The following PRKG1 variants were observed in gnomAD, a reference collection of about 807,000 sequenced individuals.
PRKG1 encodes the protein cGMP-dependent protein kinase 1.
A neutral mutation model predicts 88.1 loss-of-function variants in PRKG1; 35 were observed. That is an observed-to-expected ratio of 0.40 (90% CI 0.30 to 0.53). The LOEUF (loss-of-function observed/expected upper bound fraction) is 0.53. Among genes scored for constraint, PRKG1 ranks in the 20% least tolerant of loss-of-function variants. The probability of loss-of-function intolerance (pLI) is 0.59; values close to 1 mark genes in which losing one functional copy is unlikely to be tolerated. For synonymous variants in PRKG1, 303 were observed against 292.5 expected, an observed-to-expected ratio of 1.04 and a Z score of -0.37; for missense variants, 540 against 839.8, an observed-to-expected ratio of 0.64 and a Z score of 4.41.
intron 3 of PRKG1, among the ~76,000 whole-genome samples, chr10:51,624,159 G>T (rs889879304): frequency 6.6e-6 from 1 of 151,986 alleles, no homozygotes; most frequent in African/African-American, 2.4e-5. Context: ...CATACATTTG[G>T]GGCTGTATTC....
At chr10:51,069,908 GTTAC>G (rs1173234930), upstream of PRKG1, among the ~76,000 whole-genome samples, 1 of 152,034 alleles carries the variant, frequency 6.6e-6, no homozygotes. Context: ...ATGGGTTCAA[GTTAC>G]TTACCCTGAG....
At chr10:51,228,183 T>C (rs960207420) in intron 2 of PRKG1, among the ~76,000 whole-genome samples, 1 of 152,206 alleles carries the variant, frequency 6.6e-6, no homozygotes, top group Non-Finnish European at 1.5e-5. Flanking sequence ...ATTCTTTCAG[T>C]TGTTTAAAGG....
At chr10:51,890,643 T>C (rs975968235) in intron 4 of PRKG1, among the ~76,000 whole-genome samples, 3 of 152,200 alleles carry the variant, frequency 2.0e-5, no homozygotes, top group Non-Finnish European at 4.4e-5. Context: ...AAAAATGATA[T>C]TAGAGAAGAA....
intron 1 of PRKG1, among the ~76,000 whole-genome samples, chr10:51,059,930 T>C (rs1423365599): frequency 6.6e-6 from 1 of 152,182 alleles, no homozygotes. Context: ...TAATAAGATA[T>C]TAGATTTGTC....
At chr10:52,116,440 G>T (rs1037754796) in intron 7 of PRKG1, among the ~76,000 whole-genome samples, 4 of 152,104 alleles carry the variant, frequency 2.6e-5, no homozygotes, top group African/African-American at 9.7e-5. Context: ...ATTATAGTAA[G>T]AAATAATTTT....
chr10:51,166,908 T>C (rs971210768), intron 2 of PRKG1, among the ~76,000 whole-genome samples: 1 of 152,194 alleles, frequency 6.6e-6, no homozygotes, highest in Non-Finnish European at 1.5e-5. Context: ...AAAGAAAGTA[T>C]ATAATGAACT....
chr10:51,166,788 T>G (rs1846555116), intron 2 of PRKG1, among the ~76,000 whole-genome samples: 1 of 152,226 alleles, frequency 6.6e-6, no homozygotes, highest in Non-Finnish European at 1.5e-5. Flanking sequence ...TTAGATGGTG[T>G]GTTTCCACCT....
intron 2 of PRKG1, among the ~76,000 whole-genome samples, chr10:51,427,486 A>G (rs1243843862): frequency 6.6e-6 from 1 of 152,204 alleles, no homozygotes; most frequent in Admixed American, 6.5e-5. Context: ...TCTGCCACCT[A>G]TAGAACTCCC....
intron 4 of PRKG1, among the ~76,000 whole-genome samples, chr10:51,906,123 C>A (rs1214808832): frequency 3.9e-5 from 6 of 152,114 alleles, no homozygotes; most frequent in African/African-American, 1.4e-4. Flanking sequence ...CATCAATCAA[C>A]CTGTGTCTTC....
At chr10:51,105,583 C>T (rs1844812989) in intron 1 of PRKG1, among the ~76,000 whole-genome samples, 1 of 152,150 alleles carries the variant, frequency 6.6e-6, no homozygotes, top group South Asian at 2.1e-4. Flanking sequence ...TTGTAATTAT[C>T]TGCATCTTTG....
intron 3 of PRKG1, among the ~76,000 whole-genome samples, chr10:51,513,704 G>C (rs1484002823): frequency 9.7e-6 from 1 of 103,606 alleles, no homozygotes; most frequent in Non-Finnish European, 1.9e-5. Context: ...ACTCAAAGCC[G>C]CTCAACTACA....
chr10:52,045,567 G>A (rs1845844866), intron 5 of PRKG1, among the ~76,000 whole-genome samples: 1 of 152,054 alleles, frequency 6.6e-6, no homozygotes, highest in South Asian at 2.1e-4. Flanking sequence ...TCTTAGCAAT[G>A]GAAGTGACAC....
At chr10:52,254,728 ATGC>A (rs1398807376) in intron 10 of PRKG1, among the ~76,000 whole-genome samples, 3 of 152,052 alleles carry the variant, frequency 2.0e-5, no homozygotes. Context: ...ATAAATGTAG[ATGC>A]AGAAGTATTT....
intron 3 of PRKG1, among the ~76,000 whole-genome samples, chr10:51,660,083 A>G (rs968816456): frequency 1.3e-5 from 2 of 151,584 alleles, no homozygotes; most frequent in African/African-American, 4.8e-5. Flanking sequence ...ATAGTTGCTG[A>G]AAAAAAGAGA....
intron 4 of PRKG1, among the ~76,000 whole-genome samples, chr10:51,806,398 GTA>G (rs1270138370): frequency 1.3e-5 from 2 of 152,230 alleles, no homozygotes; most frequent in African/African-American, 4.8e-5. Context: ...ACGCACGTGT[GTA>G]TGTGTGTGTG....
chr10:52,167,543 T>G (rs1003946735), intron 9 of PRKG1, among the ~76,000 whole-genome samples: 14 of 152,146 alleles, frequency 9.2e-5, no homozygotes, highest in South Asian at 4.2e-4. Flanking sequence ...GAATAGAAAC[T>G]TAGACTTCTA....
At chr10:51,854,054 C>T (rs1052197383) in intron 4 of PRKG1, among the ~76,000 whole-genome samples, 3 of 152,042 alleles carry the variant, frequency 2.0e-5, no homozygotes, top group African/African-American at 2.4e-5. Context: ...GATGTTAATA[C>T]TTCCTGGCCC....
At chr10:52,127,251 T>C (rs1377473199) in intron 7 of PRKG1, among the ~76,000 whole-genome samples, 1 of 152,184 alleles carries the variant, frequency 6.6e-6, no homozygotes, top group Non-Finnish European at 1.5e-5. Flanking sequence ...TGATGCCATT[T>C]ACCATGATAG....
chr10:51,524,511 T>C (rs1841827479), intron 3 of PRKG1, among the ~76,000 whole-genome samples: 1 of 152,246 alleles, frequency 6.6e-6, no homozygotes, highest in Non-Finnish European at 1.5e-5. Context: ...TACATAATTT[T>C]TGTGTGTCAC....
Sources: gnomAD v4.1 joint callset for allele counts (sites outside exome capture counted in the v4.1 genomes callset) on GRCh38, gnomAD v4.1.1 for gene constraint, MANE v1.5 for transcripts, NCBI Gene and HGNC (gene_info 2026-07-23, HGNC 2026-07-21) for gene names.